Variants in ZDHHC14 observed in about 807,000 individuals in gnomAD.
ZDHHC14 encodes palmitoyltransferase ZDHHC14.
Under a neutral mutation model 47.7 loss-of-function variants are expected in ZDHHC14, and 16 were observed. The observed-to-expected ratio is 0.34, with a 90% CI of 0.23 to 0.51. ZDHHC14 has a LOEUF of 0.51. Ranked by LOEUF, ZDHHC14 falls within the 20% of genes least tolerant of loss-of-function variation. The pLI is 0.97. For missense variants in ZDHHC14, 515 were observed against 662.5 expected (o/e 0.78, Z 2.44); for synonymous variants, 293 against 278.9 (o/e 1.05, Z -0.50).
intron 2 of ZDHHC14, among the ~76,000 whole-genome samples, chr6:157,565,879 C>T (rs966293424): frequency 2.6e-5 from 4 of 151,972 alleles, no homozygotes; most frequent in African/African-American, 9.7e-5. Context: ...AGGAACCTCT[C>T]TCTCCAGCCC....
At chr6:157,409,394 C>T (rs996815037) in intron 1 of ZDHHC14, among the ~76,000 whole-genome samples, 3 of 152,088 alleles carry the variant, frequency 2.0e-5, no homozygotes, top group East Asian at 1.9e-4. Context: ...CAGCGGGTTA[C>T]GTATGTTTGT....
intron 6 of ZDHHC14, 25 bp from the exon 7 acceptor site, chr6:157,647,234 G>T: frequency 6.4e-7 from 1 of 1,568,276 alleles, no homozygotes; most frequent in Middle Eastern, 1.7e-4. Context: ...GATATTGCTT[G>T]TTACTGACTT....
intron 1 of ZDHHC14, among the ~76,000 whole-genome samples, chr6:157,498,715 C>T (rs1215405413): frequency 6.6e-6 from 1 of 152,188 alleles, no homozygotes; most frequent in Admixed American, 6.5e-5. Flanking sequence ...TTCATACTGT[C>T]TCTTGTCCTG....
rs566962442 is a variant in ZDHHC14, at chr6:157,642,875, C to A, written c.753-2862C>A. Among the ~76,000 whole-genome samples, 4 of 152,310 alleles carry A rather than the reference C, an allele frequency of 2.6e-5. No individual in the cohort carries two copies. In the East Asian group the frequency reaches 7.7e-4, roughly 29 times the overall value. On this transcript the variant is annotated intron_variant, in intron 5 of 8. Transcript: ENST00000359775. ...GTCTGAGAGTGGATGTGAAAGGGAA[C>A]AAACCATGTCAGCTGCCACAGGTTC... is the stretch of plus-strand genomic sequence containing the variant.
intron 1 of ZDHHC14, among the ~76,000 whole-genome samples, chr6:157,391,398 A>T (rs1177512837): frequency 5.3e-5 from 8 of 152,164 alleles, no homozygotes; most frequent in African/African-American, 1.9e-4. Context: ...TGACTTTCTC[A>T]GTTTTTAGAT....
At chr6:157,408,052 C>T (rs890548314) in intron 1 of ZDHHC14, among the ~76,000 whole-genome samples, 8 of 152,162 alleles carry the variant, frequency 5.3e-5, no homozygotes, top group East Asian at 1.9e-4. Context: ...ATATTAATGA[C>T]GATGAATCTT....
intron 1 of ZDHHC14, among the ~76,000 whole-genome samples, chr6:157,523,816 G>T (rs1271315265): frequency 6.6e-6 from 1 of 152,110 alleles, no homozygotes; most frequent in Non-Finnish European, 1.5e-5. Context: ...TGGGAGGATT[G>T]CTTGAGCGCA....
intron 1 of ZDHHC14, among the ~76,000 whole-genome samples, chr6:157,483,534 G>A (rs1363400268): frequency 6.6e-6 from 1 of 152,160 alleles, no homozygotes; most frequent in East Asian, 1.9e-4. Context: ...AGTGAACTTA[G>A]GCTCACAGTA....
chr6:157,405,248 T>G (rs1777717825), intron 1 of ZDHHC14, among the ~76,000 whole-genome samples: 1 of 152,202 alleles, frequency 6.6e-6, no homozygotes, highest in African/African-American at 2.4e-5. Flanking sequence ...AGCTCTTTTT[T>G]TTGAGATGGA....
At chr6:157,671,655 C>T (rs1284153774) in intron 8 of ZDHHC14, among the ~76,000 whole-genome samples, 1 of 152,040 alleles carries the variant, frequency 6.6e-6, no homozygotes, top group African/African-American at 2.4e-5. Context: ...GCCCAGTGAG[C>T]GAAGGGAAAC....
At chr6:157,473,602 A>C (rs1779406449) in intron 1 of ZDHHC14, among the ~76,000 whole-genome samples, 1 of 152,172 alleles carries the variant, frequency 6.6e-6, no homozygotes. Context: ...GAATACTTAC[A>C]TTATTCTTAC....
At position 157,592,803 on chromosome 6, in the gene ZDHHC14, C is replaced by G. The variant is rs900190954; in HGVS notation, c.407-185C>G. 79 of 1,413,370 alleles carry G rather than the reference C, an allele frequency of 5.6e-5. No homozygotes were observed. In the Middle Eastern group the frequency reaches 7.9e-4, roughly 14 times the overall value. The allele number at this position is 1,413,370 out of a possible 1,614,324, so 87.6% of individuals were successfully genotyped here. A position where few individuals can be genotyped will look rare whatever the true frequency, so the allele number is the denominator to read the frequency against. ...TCACGTGGCCCCTGCACGTGTGCAA[C>G]GAAGGAGGCCGGGGTCCCAGCGGAG... On this transcript the variant is annotated intron_variant, in intron 2 of 8. Coordinates refer to ENST00000359775, the MANE Select transcript of ZDHHC14 (RefSeq NM_024630.3).
At chr6:157,387,530 T>A (rs1050642398) in intron 1 of ZDHHC14, among the ~76,000 whole-genome samples, 2 of 152,206 alleles carry the variant, frequency 1.3e-5, no homozygotes, top group African/African-American at 4.8e-5. Context: ...TAGAACACCA[T>A]GGGGTTGATA....
intron 1 of ZDHHC14, among the ~76,000 whole-genome samples, chr6:157,488,413 C>T (rs2114724420): frequency 6.6e-6 from 1 of 152,328 alleles, no homozygotes; most frequent in East Asian, 1.9e-4. Flanking sequence ...GTGGTCCAAA[C>T]AACCCTCAAT....
At chr6:157,620,862 G>T (rs924908340) in intron 3 of ZDHHC14, among the ~76,000 whole-genome samples, 4 of 152,216 alleles carry the variant, frequency 2.6e-5, no homozygotes, top group Non-Finnish European at 1.5e-5. Flanking sequence ...GAACGTGTGG[G>T]TTCCAATGCT....
intron 1 of ZDHHC14, among the ~76,000 whole-genome samples, chr6:157,503,357 T>C (rs1780231973): frequency 6.6e-6 from 1 of 152,194 alleles, no homozygotes; most frequent in Non-Finnish European, 1.5e-5. Flanking sequence ...TTCAAGATGC[T>C]TCTACTAGTC....
chr6:157,626,318 T>C (rs1785413586), intron 3 of ZDHHC14, among the ~76,000 whole-genome samples: 1 of 152,106 alleles, frequency 6.6e-6, no homozygotes, highest in Non-Finnish European at 1.5e-5. Flanking sequence ...TCATGCCCAT[T>C]TTCTGTAGTC....
rs928426130 is a variant in ZDHHC14 at position 157,678,055 on chromosome 6, C to T, written c.*4933C>T. ...AGAGATACGTATGCTTATTTAAGTG[C>T]CTTTCATGTTTTAATCAATGTTTGC... On this transcript the variant is annotated 3_prime_UTR_variant, in exon 9 of 9. Transcript: ENST00000359775. The T allele has an allele frequency of 6.6e-6, 1 of 152,030 alleles. No individual in the cohort carries two copies. Among genetic ancestry groups the T allele is most frequent in the East Asian group, 1.9e-4 (1 of 5,196 alleles). The allele number at this position is 152,030 out of a possible 1,614,324, so 9.4% of individuals were successfully genotyped here. A position where few individuals can be genotyped will look rare whatever the true frequency, so the allele number is the denominator to read the frequency against.
intron 2 of ZDHHC14, among the ~76,000 whole-genome samples, chr6:157,573,966 G>C (rs1281491650): frequency 1.3e-5 from 2 of 151,830 alleles, no homozygotes; most frequent in Admixed American, 1.3e-4. Context: ...GGGGTCGGGG[G>C]GGAAGTTCTT....
Sources: allele counts gnomAD v4.1 joint callset (sites outside exome capture counted in the v4.1 genomes callset), GRCh38; gene constraint gnomAD v4.1.1; transcripts MANE v1.5; gene names NCBI Gene and HGNC (gene_info 2026-07-23, HGNC 2026-07-21).